The following CD38 variants were observed in gnomAD, a reference collection of about 807,000 sequenced individuals.
CD38 encodes ADP-ribosyl cyclase/cyclic ADP-ribose hydrolase 1.
In CD38, 31 loss-of-function variants were observed where a neutral mutation model predicts 36.3. That is an observed-to-expected ratio of 0.85 (90% CI 0.64 to 1.15). CD38 has a LOEUF of 1.15. Among genes scored for constraint, CD38 ranks in the 50% most tolerant of loss-of-function variants. CD38 has a pLI of 0.00. For synonymous variants in CD38, 131 were observed against 135.2 expected (o/e 0.97, Z 0.22); for missense variants, 380 against 371.9 (o/e 1.02, Z -0.18).
At chr4:15,785,777 G>C (rs1277701258) in intron 1 of CD38, among the ~76,000 whole-genome samples, 2 of 152,164 alleles carry the variant, frequency 1.3e-5, no homozygotes. Context: ...AGTGGGTCCG[G>C]AATTCGTGGG....
rs1385772498 is a variant in CD38 at position 15,852,150 on chromosome 4, T to C, written c.*3548T>C. On this transcript the variant is annotated 3_prime_UTR_variant, in exon 8 of 8. Transcript: ENST00000226279. ...AGTAATTGCAGCATCCAGTAGGTCT[T>C]ACTTTAGCCCTGAGTCACCATTTGT... The C allele has an allele frequency of 6.6e-6, 1 of 152,256 alleles. No individual in the cohort carries two copies. Among genetic ancestry groups the C allele is most frequent in the East Asian group, 1.9e-4 (1 of 5,198 alleles). The allele number at this position is 152,256 out of a possible 1,614,324, so 9.4% of individuals were successfully genotyped here.
intron 1 of CD38, among the ~76,000 whole-genome samples, chr4:15,808,037 G>A (rs1723380847): frequency 1.3e-5 from 2 of 152,136 alleles, no homozygotes; most frequent in Admixed American, 1.3e-4. Context: ...GGACCAGTGG[G>A]GCTTTGCAGG....
At chr4:15,784,946 C>T (rs184683152) in intron 1 of CD38, among the ~76,000 whole-genome samples, 1 of 152,126 alleles carries the variant, frequency 6.6e-6, no homozygotes, top group African/African-American at 2.4e-5. Flanking sequence ...GTCCCAGCTA[C>T]TCAGGAGGCT....
In CD38 at chr4:15,848,478, G is replaced by A. The variant is rs972950550; in HGVS notation, c.840-61G>A. On this transcript the variant is annotated intron_variant, in intron 7 of 7. Transcript: ENST00000226279. Reference sequence around the variant, plus strand: ...TAAAAAAGGGGCTTCCTCCATTAGCGAATTGGACGACAGATGTATCCTACG... The same window carrying A: ...TAAAAAAGGGGCTTCCTCCATTAGCAAATTGGACGACAGATGTATCCTACG... The A allele has an allele frequency of 6.9e-6, 9 of 1,303,056 alleles. No individual in the cohort carries two copies. The East Asian group carries it at 7.0e-5, about 10-fold the overall frequency. 80.7% of individuals were successfully genotyped at this position (1,303,056 alleles called of 1,614,324 possible).
intron 2 of CD38, among the ~76,000 whole-genome samples, chr4:15,824,546 A>G (rs1057152392): frequency 6.6e-6 from 1 of 152,124 alleles, no homozygotes; most frequent in East Asian, 1.9e-4. Context: ...TTTTGGAGAT[A>G]ACCTTAGGAA....
rs71179666 is a variant in CD38, at chr4:15,847,595, C to CAA, written c.840-917_840-916dup. ...AAAAATAAAAAACAACTCTCAGAAG[C>CAA]AAAAAAAAAAAAAAAAAAAAAAAAA... On this transcript the variant is annotated intron_variant, in intron 7 of 7. Coordinates refer to ENST00000226279, the MANE Select transcript of CD38 (RefSeq NM_001775.4). Among the ~76,000 whole-genome samples, 46 of 38,152 alleles carry CAA rather than the reference C, an allele frequency of 1.2e-3. 7 individuals carry two copies. Among genetic ancestry groups the CAA allele is most frequent in the East Asian group, 0.012 (6 of 514 alleles). The allele number at this position is 38,152 out of a possible 152,430, so 25.0% of individuals were successfully genotyped here. A position where few individuals can be genotyped will look rare whatever the true frequency, so the allele number is the denominator to read the frequency against.
chr4:15,849,948 C>A lies in CD38; in HGVS notation c.*1346C>A, dbSNP rs1724350013. On this transcript the variant is annotated 3_prime_UTR_variant, in exon 8 of 8. Coordinates refer to ENST00000226279, the MANE Select transcript of CD38 (RefSeq NM_001775.4). ...TTTATTATCCTTCAGTTAAAAATAT[C>A]TTTCAATTCATTGTTATATAAAAAT... 6.6e-6 allele frequency: 1 copy of A among 152,106 alleles called. No homozygotes were observed. Among genetic ancestry groups the A allele is most frequent in the South Asian group, 2.1e-4 (1 of 4,832 alleles). 9.4% of individuals were successfully genotyped at this position (152,106 alleles called of 1,614,324 possible). A position where few individuals can be genotyped will look rare whatever the true frequency, so the allele number is the denominator to read the frequency against.
At position 15,849,391 on chromosome 4, in the gene CD38, C is replaced by A. The variant is rs768410181; in HGVS notation, c.*789C>A. ...AACTCCAAAATTCATGTGCTTTTTC[C>A]TTCTAGGCCTTTCATACCAAACTAA... On this transcript the variant is annotated 3_prime_UTR_variant, in exon 8 of 8. Coordinates refer to ENST00000226279, the MANE Select transcript of CD38 (RefSeq NM_001775.4). The A allele has an allele frequency of 1.3e-5, 2 of 152,132 alleles. No individual in the cohort carries two copies. The highest frequency in any genetic ancestry group is 2.4e-5 in the African/African-American group (1 of 41,422). 9.4% of individuals were successfully genotyped at this position (152,132 alleles called of 1,614,324 possible).
At chr4:15,811,338 T>G (rs1379065130) in intron 1 of CD38, among the ~76,000 whole-genome samples, 1 of 152,236 alleles carries the variant, frequency 6.6e-6, no homozygotes, top group Admixed American at 6.5e-5. Context: ...AAGAAATAAT[T>G]GCCTAATCCA....
At chr4:15,786,321 G>A (rs1232723113) in intron 1 of CD38, among the ~76,000 whole-genome samples, 3 of 152,202 alleles carry the variant, frequency 2.0e-5, no homozygotes, top group African/African-American at 7.2e-5. Flanking sequence ...TTTACAGAGA[G>A]CTGATTGGTC....
Position 15,838,010 on chromosome 4 carries a change from T to C in CD38, c.586-82T>C, listed in dbSNP as rs1300572542. 37 of 1,089,854 alleles carry C rather than the reference T, an allele frequency of 3.4e-5. No individual in the cohort carries two copies. In the Admixed American group the frequency reaches 4.7e-4, roughly 14 times the overall value. 67.5% of individuals were successfully genotyped at this position (1,089,854 alleles called of 1,614,324 possible). A position where few individuals can be genotyped will look rare whatever the true frequency, so the allele number is the denominator to read the frequency against. On this transcript the variant is annotated intron_variant, in intron 4 of 7. Coordinates refer to ENST00000226279, the MANE Select transcript of CD38 (RefSeq NM_001775.4). ...GGGATATCCTTCCTTAACCAGCTAT[T>C]GCTAAGTATTGTTTTGAATGAAACT... is the stretch of plus-strand genomic sequence containing the variant.
chr4:15,779,774 A>T (rs1722650406), intron 1 of CD38, among the ~76,000 whole-genome samples: 1 of 152,074 alleles, frequency 6.6e-6, no homozygotes, highest in Non-Finnish European at 1.5e-5. Flanking sequence ...CCAAAATGAA[A>T]TGGTAATGTT....
At chr4:15,848,074 C>T (rs1258903972) in intron 7 of CD38, among the ~76,000 whole-genome samples, 1 of 152,190 alleles carries the variant, frequency 6.6e-6, no homozygotes, top group Admixed American at 6.5e-5. Context: ...CCCCATTCCT[C>T]GCTATCCACC....
chr4:15,787,628 C>T (rs1019568499), intron 1 of CD38, among the ~76,000 whole-genome samples: 15 of 152,184 alleles, frequency 9.9e-5, no homozygotes, highest in African/African-American at 1.7e-4. Context: ...GTAGGTAAAG[C>T]GGCAGAATGC....
At chr4:15,799,089 T>G (rs1723161125) in intron 1 of CD38, among the ~76,000 whole-genome samples, 1 of 152,230 alleles carries the variant, frequency 6.6e-6, no homozygotes, top group Non-Finnish European at 1.5e-5. Flanking sequence ...AACTGATTTC[T>G]TTAATGTGAG....
rs552985141 is a variant in CD38, at chr4:15,798,522, A to G, written c.234-17989A>G. On this transcript the variant is annotated intron_variant, in intron 1 of 7. Coordinates refer to ENST00000226279, the MANE Select transcript of CD38 (RefSeq NM_001775.4). ...TTGGGCCACACGGTTACCCAAAGGT[A>G]TAAAAGAGGCTTGAGAAGTGAGAAT... is the stretch of plus-strand genomic sequence containing the variant. 1.7e-3 allele frequency among the ~76,000 whole-genome samples: 256 copies of G among 152,360 alleles called. 3 individuals are homozygous for G. Among genetic ancestry groups the G allele is most frequent in the Non-Finnish European group, 2.5e-3 (169 of 68,032 alleles).
chr4:15,823,798 C>A (rs1468141573), intron 2 of CD38, among the ~76,000 whole-genome samples: 2 of 152,170 alleles, frequency 1.3e-5, no homozygotes, highest in Non-Finnish European at 2.9e-5. Flanking sequence ...TTTGACCCAG[C>A]AATCCCATTA....
rs1246132266 is a variant in CD38, at chr4:15,791,692, G to A, written c.233+13045G>A. ...AGGGAGGTGGGGGGATCAGCCCCCC[G>A]CCTGGCCAGCCGCCCCGTCCGGGAG... On this transcript the variant is annotated intron_variant, in intron 1 of 7. Transcript: ENST00000226279. Among the ~76,000 whole-genome samples the A allele has an allele frequency of 5.3e-3, 443 of 82,880 alleles. 8 individuals are homozygous for A. The highest frequency in any genetic ancestry group is 0.022 in the South Asian group (61 of 2,812). The allele number at this position is 82,880 out of a possible 152,430, so 54.4% of individuals were successfully genotyped here.
At chr4:15,818,102 G>A (rs764024983) in intron 2 of CD38, among the ~76,000 whole-genome samples, 4 of 151,096 alleles carry the variant, frequency 2.6e-5, no homozygotes, top group Non-Finnish European at 1.5e-5. Flanking sequence ...AAGAACCACT[G>A]GCTTGAAATT....
Sources: allele counts gnomAD v4.1 joint callset (sites outside exome capture counted in the v4.1 genomes callset), GRCh38; gene constraint gnomAD v4.1.1; transcripts MANE v1.5; gene names NCBI Gene and HGNC (gene_info 2026-07-23, HGNC 2026-07-21).